CIAO2A: variants seen among roughly 807,000 people sequenced by gnomAD.
CIAO2A encodes cytosolic iron-sulfur assembly component 2A.
A neutral mutation model predicts 22.4 loss-of-function variants in CIAO2A; 17 were observed. The ratio of observed to expected loss-of-function variants is 0.76; its 90% CI spans 0.52 to 1.14. CIAO2A has a LOEUF of 1.14. CIAO2A is among the 50% of genes most tolerant of loss of function. CIAO2A has a pLI of 0.00. For missense variants in CIAO2A, 192 were observed against 191.4 expected (o/e 1.00, Z -0.02); for synonymous variants, 74 against 72.3 (o/e 1.02, Z -0.12).
At chr15:64,076,455 G>A (rs192275062) in intron 3 of CIAO2A, among the ~76,000 whole-genome samples, 302 of 152,016 alleles carry the variant, frequency 2.0e-3, no homozygotes, top group Non-Finnish European at 3.1e-3. Context: ...GTATAATACT[G>A]GTTAAGCTAT....
intron 2 of CIAO2A, among the ~76,000 whole-genome samples, chr15:64,087,321 G>C (rs1252934793): frequency 2.0e-5 from 3 of 151,930 alleles, no homozygotes; most frequent in Non-Finnish European, 2.9e-5. Context: ...TCCATCTCCT[G>C]ACCTCGTGAT....
intron 1 of CIAO2A, among the ~76,000 whole-genome samples, chr15:64,091,793 C>T (rs575242593): frequency 5.2e-4 from 79 of 152,198 alleles, no homozygotes; most frequent in African/African-American, 1.8e-3. Flanking sequence ...GGTGTGGTGG[C>T]TCATGCCTGT....
At chr15:64,093,506 T>G in intron 1 of CIAO2A, 139 bp downstream of exon 1, 3 of 1,032,550 alleles carry the variant, frequency 2.9e-6, no homozygotes, top group Non-Finnish European at 2.8e-6. Flanking sequence ...CCGGACAAGA[T>G]CTGGCCAAAA....
Position 64,072,797 on chromosome 15 carries a change from G to T in CIAO2A, c.*134C>A, listed in dbSNP as rs2411150. The T allele has an allele frequency of 2.1e-3, 1,154 of 546,668 alleles. 14 individuals are homozygous for T. Among genetic ancestry groups the T allele is most frequent in the Admixed American group, 0.015 (433 of 29,404 alleles). The allele number at this position is 546,668 out of a possible 1,614,324, so 33.9% of individuals were successfully genotyped here. A position where few individuals can be genotyped will look rare whatever the true frequency, so the allele number is the denominator to read the frequency against. On this transcript the variant is annotated 3_prime_UTR_variant, in exon 5 of 5. Coordinates refer to ENST00000300030, the MANE Select transcript of CIAO2A (RefSeq NM_032231.7). ...AGGTACTACCTTATAATTAAATCTC[G>T]CTTGGAAAGAATCCTTTAAAAAATA...
At chr15:64,093,546 T>C in intron 1 of CIAO2A, 99 bp downstream of exon 1, 1 of 1,302,454 alleles carries the variant, frequency 7.7e-7, no homozygotes. Context: ...AAAAAAAAGG[T>C]CTCCCCTCCC....
intron 1 of CIAO2A, among the ~76,000 whole-genome samples, chr15:64,089,348 C>A (rs772960907): frequency 3.0e-4 from 45 of 151,932 alleles, no homozygotes; most frequent in Non-Finnish European, 6.0e-4. Context: ...CATAATGAGA[C>A]CCCCGTCTCT....
intron 2 of CIAO2A, among the ~76,000 whole-genome samples, chr15:64,082,678 T>C (rs1424166636): frequency 1.3e-5 from 2 of 152,224 alleles, no homozygotes; most frequent in African/African-American, 4.8e-5. Flanking sequence ...CATTGTCTCC[T>C]TAATTTGTTA....
intron 2 of CIAO2A, among the ~76,000 whole-genome samples, chr15:64,087,193 G>A (rs1250483849): frequency 2.1e-5 from 3 of 144,476 alleles, no homozygotes; most frequent in East Asian, 2.2e-4. Flanking sequence ...CCGGGTTCAC[G>A]CCATTCTCCT....
At chr15:64,092,357 CTT>C (rs1413878158) in intron 1 of CIAO2A, among the ~76,000 whole-genome samples, 1 of 152,136 alleles carries the variant, frequency 6.6e-6, no homozygotes, top group Non-Finnish European at 1.5e-5. Context: ...CCTAATTATT[CTT>C]TGAGGCCCAA....
At position 64,081,106 on chromosome 15, in the gene CIAO2A, T is replaced by G. The variant is rs778254377; in HGVS notation, c.335A>C (p.His112Pro). Reference protein sequence around the residue: ...VKLQRCLPFKHKLEIYISEGT... With the variant: ...VKLQRCLPFKPKLEIYISEGT... ...ACAAAAATACATCTTTCTTACCTTATGTTTAAATGGTAAACATCGCTGAAG... is the reference window on the plus strand; with the variant it reads ...ACAAAAATACATCTTTCTTACCTTAGGTTTAAATGGTAAACATCGCTGAAG... The change falls in exon 3 of 5, where the codon CAT becomes CCT. Residue 112 changes from histidine (H) to proline (P), a missense_variant. His to Pro is a moderately conservative substitution (Grantham distance 77, BLOSUM62 -2). Transcript: ENST00000300030. 6.2e-7 allele frequency: 1 copy of G among 1,613,272 alleles called. No homozygotes were observed. Among genetic ancestry groups the G allele is most frequent in the Non-Finnish European group, 8.5e-7 (1 of 1,179,752 alleles).
chr15:64,092,622 T>A (rs147798774), intron 1 of CIAO2A, among the ~76,000 whole-genome samples: 1 of 152,312 alleles, frequency 6.6e-6, no homozygotes, highest in Non-Finnish European at 1.5e-5. Flanking sequence ...AGGGATGTGG[T>A]CTGCTTTGTG....
intron 2 of CIAO2A, among the ~76,000 whole-genome samples, chr15:64,083,759 A>T (rs187748630): frequency 6.6e-6 from 1 of 152,220 alleles, no homozygotes; most frequent in Admixed American, 6.5e-5. Flanking sequence ...CCTGGGTAAC[A>T]TGGAGAAACC....
chr15:64,076,956 T>C lies in CIAO2A; in HGVS notation c.340-1419A>G, dbSNP rs142125126. Among the ~76,000 whole-genome samples the C allele has an allele frequency of 4.7e-3, 716 of 152,212 alleles. 5 individuals carry two copies. Among genetic ancestry groups the C allele is most frequent in the African/African-American group, 0.016 (667 of 41,532 alleles). ...CCTGAGGTTAAGTGATCCGCCCATC[T>C]AGGCCTCCCAAAGTACAGAGATTAT... On this transcript the variant is annotated intron_variant, in intron 3 of 4. Coordinates refer to ENST00000300030, the MANE Select transcript of CIAO2A (RefSeq NM_032231.7).
At chr15:64,087,309 T>C (rs747817558) in intron 2 of CIAO2A, among the ~76,000 whole-genome samples, 3 of 151,984 alleles carry the variant, frequency 2.0e-5, no homozygotes, top group Non-Finnish European at 4.4e-5. Context: ...CCCAGGATGG[T>C]CTCCATCTCC....
intron 3 of CIAO2A, among the ~76,000 whole-genome samples, chr15:64,080,798 G>A (rs1003400893): frequency 6.6e-6 from 1 of 152,154 alleles, no homozygotes; most frequent in African/African-American, 2.4e-5. Context: ...CAGCCACTGT[G>A]GAAAACAAAC....
At chr15:64,091,563 G>A (rs975612362) in intron 1 of CIAO2A, among the ~76,000 whole-genome samples, 11 of 151,972 alleles carry the variant, frequency 7.2e-5, no homozygotes, top group Admixed American at 5.2e-4. Context: ...CTTTCACAGA[G>A]CTGTGTTATC....
Position 64,073,188 on chromosome 15 carries a change from G to A in CIAO2A, c.386-160C>T, listed in dbSNP as rs2080687922. Among the ~76,000 whole-genome samples, 4 of 152,158 alleles carry A rather than the reference G, an allele frequency of 2.6e-5. No homozygotes were observed. In the South Asian group the frequency reaches 8.3e-4, roughly 31 times the overall value. On this transcript the variant is annotated intron_variant, in intron 4 of 4. Coordinates refer to ENST00000300030, the MANE Select transcript of CIAO2A (RefSeq NM_032231.7). ...AATGTAATTTCCCATCTAGAAGGCA[G>A]ACTTAAGAGAAAAATATCTACTAGA... is the stretch of plus-strand genomic sequence containing the variant.
chr15:64,091,659 T>C (rs985864769), intron 1 of CIAO2A, among the ~76,000 whole-genome samples: 4 of 152,174 alleles, frequency 2.6e-5, no homozygotes, highest in African/African-American at 9.7e-5. Context: ...CATTTAATTG[T>C]ATTATATTCT....
intron 1 of CIAO2A, 50 bp from the exon 2 acceptor site, chr15:64,088,901 A>C: frequency 6.5e-7 from 1 of 1,541,644 alleles, no homozygotes; most frequent in Non-Finnish European, 8.8e-7. Context: ...GACTATTCTA[A>C]ATAAAGATGA....
Sources: gnomAD v4.1 joint callset for allele counts (sites outside exome capture counted in the v4.1 genomes callset) on GRCh38, gnomAD v4.1.1 for gene constraint, MANE v1.5 for transcripts, NCBI Gene and HGNC (gene_info 2026-07-23, HGNC 2026-07-21) for gene names.